MAP4K5: variants seen among roughly 807,000 people sequenced by gnomAD.
The protein encoded by MAP4K5 is MAPK/ERK kinase kinase kinase 5.
MAP4K5 carries 82 observed loss-of-function variants against 135.6 expected under a neutral mutation model. The ratio of observed to expected loss-of-function variants is 0.60; its 90% confidence interval spans 0.51 to 0.73. The LOEUF (loss-of-function observed/expected upper bound fraction) is 0.73, where lower values mean the gene tolerates loss of function less well. MAP4K5 is among the 30% of genes least tolerant of loss of function. MAP4K5 has a pLI of 0.00. For missense variants in MAP4K5, 907 were observed against 1,010.9 expected, an observed-to-expected ratio of 0.90 and a Z score of 1.39; for synonymous variants, 347 against 335.0, an observed-to-expected ratio of 1.04 and a Z score of -0.39.
chr14:50,534,592 GA>G (rs2038469494), upstream of MAP4K5, among the ~76,000 whole-genome samples: 2 of 152,324 alleles, frequency 1.3e-5, no homozygotes, highest in South Asian at 4.1e-4. Flanking sequence ...CTGGAGTGCG[GA>G]TATTTTATGT....
chr14:50,490,159 G>GTGTGTGTGTGTGTGTGTGTA (rs71441284), intron 3 of MAP4K5, among the ~76,000 whole-genome samples: 3,611 of 137,914 alleles, frequency 0.026, 106 homozygotes, highest in East Asian at 0.1. Flanking sequence ...GTGTGTGTGT[G>GTGTGTGTGTGTGTGTGTGTA]TAAGGGAACT....
chr14:50,438,616 T>A (rs1444040851), intron 23 of MAP4K5, among the ~76,000 whole-genome samples: 1 of 152,118 alleles, frequency 6.6e-6, no homozygotes, highest in Non-Finnish European at 1.5e-5. Context: ...ATCATCTGAT[T>A]TCTCACTATA....
At chr14:50,445,938 C>A in intron 17 of MAP4K5, 141 bp downstream of exon 17, 1 of 495,692 alleles carries the variant, frequency 2.0e-6, no homozygotes, top group East Asian at 3.7e-5. Flanking sequence ...ATATTTTACA[C>A]CATCATACAC....
Position 50,445,069 on chromosome 14 carries a change from A to C in MAP4K5, c.1311T>G (p.Cys437Trp), listed in dbSNP as rs1472857659. The C allele has an allele frequency of 6.2e-7, 1 of 1,613,608 alleles. No individual in the cohort carries two copies. The highest frequency in any genetic ancestry group is 2.2e-5 in the East Asian group (1 of 44,858). ...TAGAAGAAGTCTCTGCCACAGGCCC[A>C]CAACTTGGGCTACTCTGTCTTCTGA... is the stretch of plus-strand genomic sequence containing the variant. ...QILRRQSSPS[C>W]GPVAETSSIG... The change falls in exon 18 of 33, where the codon TGT (cysteine) becomes TGG (tryptophan). Residue 437 changes from cysteine to tryptophan, a missense_variant. By Grantham distance (215) the Cys-to-Trp change is radical. Coordinates refer to ENST00000682126, the MANE Select transcript of MAP4K5 (RefSeq NM_006575.6).
intron 2 of MAP4K5, among the ~76,000 whole-genome samples, chr14:50,528,756 A>G (rs2038321856): frequency 6.6e-6 from 1 of 152,132 alleles, no homozygotes; most frequent in South Asian, 2.1e-4. Context: ...ACAGTGGCTA[A>G]TTTACCTTCA....
chr14:50,493,454 T>C (rs1798497051), intron 3 of MAP4K5, among the ~76,000 whole-genome samples: 1 of 152,128 alleles, frequency 6.6e-6, no homozygotes, highest in Admixed American at 6.5e-5. Flanking sequence ...TGTGTAAGCA[T>C]TTCTCATGTC....
intron 6 of MAP4K5, among the ~76,000 whole-genome samples, chr14:50,478,913 C>A (rs1481165031): frequency 6.6e-6 from 1 of 151,804 alleles, no homozygotes; most frequent in African/African-American, 2.4e-5. Flanking sequence ...TGTCTTTGTT[C>A]TTTTGTATAT....
intron 23 of MAP4K5, among the ~76,000 whole-genome samples, chr14:50,439,652 A>G (rs1214090829): frequency 6.6e-6 from 1 of 152,218 alleles, no homozygotes; most frequent in Non-Finnish European, 1.5e-5. Flanking sequence ...TCAGGATCGC[A>G]GAGAAAGAAA....
intron 1 of MAP4K5, 73 bp downstream of exon 1, chr14:50,532,375 C>A: frequency 3.6e-6 from 1 of 277,440 alleles, no homozygotes. Context: ...TCCCCGCCAG[C>A]CGGGGCCCAG....
intron 2 of MAP4K5, among the ~76,000 whole-genome samples, chr14:50,541,502 A>G (rs896799964): frequency 2.8e-4 from 42 of 152,278 alleles, no homozygotes; most frequent in Admixed American, 1.0e-3. Flanking sequence ...TTTTGAGACA[A>G]TGTACTGCAT....
At chr14:50,524,413 A>G (rs187549829) in intron 2 of MAP4K5, among the ~76,000 whole-genome samples, 7 of 152,304 alleles carry the variant, frequency 4.6e-5, no homozygotes, top group Admixed American at 1.3e-4. Context: ...TTGACCACAT[A>G]CTATATACTA....
chr14:50,476,802 T>A (rs530603783), intron 6 of MAP4K5, among the ~76,000 whole-genome samples: 2 of 152,174 alleles, frequency 1.3e-5, no homozygotes, highest in Non-Finnish European at 2.9e-5. Flanking sequence ...ATCAGAAATA[T>A]TTCACTAAAC....
At chr14:50,526,424 T>C (rs796394940) in intron 2 of MAP4K5, among the ~76,000 whole-genome samples, 11 of 152,312 alleles carry the variant, frequency 7.2e-5, no homozygotes, top group African/African-American at 2.6e-4. Context: ...CTCTCCCAAG[T>C]AGCTGGGATT....
At chr14:50,486,804 C>T (rs1234574754) in intron 3 of MAP4K5, among the ~76,000 whole-genome samples, 1 of 151,866 alleles carries the variant, frequency 6.6e-6, no homozygotes, top group African/African-American at 2.4e-5. Flanking sequence ...GGTGGTGGCA[C>T]CTGTAATCTT....
chr14:50,531,032 T>C (rs1595556064), intron 2 of MAP4K5, among the ~76,000 whole-genome samples: 1 of 152,182 alleles, frequency 6.6e-6, no homozygotes, highest in East Asian at 1.9e-4. Context: ...TCAAATCCAA[T>C]AAACAACGCC....
chr14:50,560,244 C>A (rs1376797413), intron 1 of MAP4K5: 2 of 1,613,624 alleles, frequency 1.2e-6, no homozygotes, highest in Non-Finnish European at 1.7e-6. Flanking sequence ...AGCGCCTCAC[C>A]GCCACCAGCT....
At chr14:50,428,588 C>T in intron 30 of MAP4K5, 74 bp downstream of exon 30, 1 of 830,728 alleles carries the variant, frequency 1.2e-6, no homozygotes, top group African/African-American at 1.8e-5. Context: ...CTGGTCTAGA[C>T]AACCCTAAGT....
chr14:50,517,152 C>CTT (rs778616747), intron 2 of MAP4K5, among the ~76,000 whole-genome samples: 8 of 137,682 alleles, frequency 5.8e-5, no homozygotes, highest in African/African-American at 1.1e-4. Flanking sequence ...AATTACAATA[C>CTT]TTTTTTTTTT....
chr14:50,491,840 G>A (rs2037490886), intron 3 of MAP4K5, among the ~76,000 whole-genome samples: 1 of 151,716 alleles, frequency 6.6e-6, no homozygotes, highest in African/African-American at 2.4e-5. Flanking sequence ...CACATGTCAT[G>A]ACACCTAGCT....
Sources: gnomAD v4.1 joint callset for allele counts (sites outside exome capture counted in the v4.1 genomes callset) on GRCh38, gnomAD v4.1.1 for gene constraint, MANE v1.5 for transcripts, NCBI Gene and HGNC (gene_info 2026-07-23, HGNC 2026-07-21) for gene names.